GEMIN8: variants seen among roughly 807,000 people sequenced by gnomAD.
GEMIN8 encodes the protein gem nuclear organelle associated protein 8.
For missense variants in GEMIN8, 185 were observed against 205.9 expected, an observed-to-expected ratio of 0.90 and a Z score of 0.62; for synonymous variants, 80 against 78.5, an observed-to-expected ratio of 1.02 and a Z score of -0.10.
chrX:14,001,188 A>T, the GEMIN8 span, among the ~76,000 whole-genome samples: 1 of 112,126 alleles, frequency 8.9e-6, no homozygotes, highest in Non-Finnish European at 1.9e-5. Flanking sequence ...CATTTTGCTG[A>T]TCTGATTTCA....
At chrX:14,000,080 G>A in the GEMIN8 span, among the ~76,000 whole-genome samples, 1 of 110,519 alleles carries the variant, frequency 9.0e-6, no homozygotes, top group Non-Finnish European at 1.9e-5. Context: ...TGAGGCAGGA[G>A]GATTGCTTGA....
intron 4 of GEMIN8, among the ~76,000 whole-genome samples, chrX:14,012,131 A>ATT (rs1169756628): frequency 1.3e-4 from 13 of 97,039 alleles, no homozygotes; most frequent in Non-Finnish European, 2.3e-4. Flanking sequence ...TTCCTCATGA[A>ATT]TTTTTTTTTT....
chrX:14,021,243 T>G (rs1173597172), intron 3 of GEMIN8, among the ~76,000 whole-genome samples: 2 of 57,611 alleles, frequency 3.5e-5, no homozygotes, highest in Non-Finnish European at 6.1e-5. Context: ...CAGGGACTGT[T>G]GTGGGGTGGG....
At chrX:13,994,138 T>C in the GEMIN8 span, among the ~76,000 whole-genome samples, 1 of 111,957 alleles carries the variant, frequency 8.9e-6, no homozygotes, top group East Asian at 2.8e-4. Flanking sequence ...TGGGCCCCGA[T>C]GACCAGCGAT....
intron 2 of GEMIN8, 127 bp downstream of exon 2, chrX:14,026,013 A>G: frequency 1.4e-6 from 1 of 724,852 alleles, no homozygotes; most frequent in Non-Finnish European, 1.6e-6. Context: ...ACATCTAAAT[A>G]ATTATAGACA....
intron 4 of GEMIN8, among the ~76,000 whole-genome samples, chrX:14,017,867 T>TG (rs1924039445): frequency 8.9e-6 from 1 of 112,511 alleles, no homozygotes; most frequent in Admixed American, 9.4e-5. Flanking sequence ...TCTGAGGAAC[T>TG]GGGGGTTAGG....
At chrX:14,023,744 A>G (rs935492243) in intron 2 of GEMIN8, among the ~76,000 whole-genome samples, 1 of 112,566 alleles carries the variant, frequency 8.9e-6, no homozygotes, top group Non-Finnish European at 1.9e-5. Flanking sequence ...TAATGACATT[A>G]ACGCAAACTG....
In GEMIN8 at chrX:14,020,242, C is replaced by T. The variant is rs762654716; in HGVS notation, c.308G>A (p.Ser103Asn). 1 of 1,211,201 alleles carries T rather than the reference C, an allele frequency of 8.3e-7. No homozygotes were observed. Among genetic ancestry groups the T allele is most frequent in the Non-Finnish European group, 1.1e-6 (1 of 894,959 alleles). Residue 103 changes from serine to asparagine, a missense_variant, in exon 4 of 5, where the codon AGC (serine) becomes AAC (asparagine). Ser to Asn is a conservative substitution (Grantham distance 46, BLOSUM62 1). Coordinates refer to ENST00000680255, the MANE Select transcript of GEMIN8 (RefSeq NM_001042479.2). ...TTTTGTGGATGCCTGGATCCTACTGCTGTAACGTGGATGCTGCCCAGATCT... is the reference window on the plus strand; with the variant it reads ...TTTTGTGGATGCCTGGATCCTACTGTTGTAACGTGGATGCTGCCCAGATCT... ...FRRSGQHPRY[S>N]SRIQASTKED...
chrX:14,018,732 CTTTCTTTTCTTTTTCTTTTCTTTCT>C (rs1924095827), intron 4 of GEMIN8, among the ~76,000 whole-genome samples: 2 of 106,387 alleles, frequency 1.9e-5, no homozygotes, highest in South Asian at 4.0e-4. Context: ...ATACTTCTTT[CTTTCTTTTCTTTTTCTTTTCTTTCT>C]TTTCTTTTCT....
At chrX:14,014,213 T>C in intron 4 of GEMIN8, 1 of 749,308 alleles carries the variant, frequency 1.3e-6, no homozygotes. Flanking sequence ...TTTCTGATTA[T>C]ATTTTCTGCT....
chrX:14,009,027 G>A lies in GEMIN8; in HGVS notation c.615C>T (p.Tyr205=), dbSNP rs757107717. ...CTTGGATCTTGGCAGCACTGTCCCCGTACAAACGCTTCATCTCGGCCTGGC... is the reference window on the plus strand; with the variant it reads ...CTTGGATCTTGGCAGCACTGTCCCCATACAAACGCTTCATCTCGGCCTGGC... The part of the protein sequence containing the change: ...ERRQAEMKRL[Y]GDSAAKIQAM... The change falls in exon 5 of 5, where the codon TAC becomes TAT. Residue 205 remains tyrosine (Y), a synonymous_variant. Transcript: ENST00000680255. 16 of 1,210,177 alleles carry A rather than the reference G, an allele frequency of 1.3e-5. No homozygotes were observed. Among genetic ancestry groups the A allele is most frequent in the Middle Eastern group, 2.3e-4 (1 of 4,372 alleles).
intron 4 of GEMIN8, among the ~76,000 whole-genome samples, chrX:14,013,126 T>C (rs756654268): frequency 1.8e-5 from 2 of 112,081 alleles, no homozygotes; most frequent in South Asian, 3.7e-4. Context: ...CATTCTGTTT[T>C]CTATTTATTG....
In GEMIN8 at chrX:14,020,063, G is replaced by A. The variant is rs375551704; in HGVS notation, c.472+15C>T. The A allele has an allele frequency of 8.8e-5, 91 of 1,034,398 alleles. No homozygotes were observed. Among genetic ancestry groups the A allele is most frequent in the Non-Finnish European group, 1.1e-4 (84 of 747,924 alleles). 85.2% of individuals were successfully genotyped at this position (1,034,398 alleles called of 1,213,427 possible). A position where few individuals can be genotyped will look rare whatever the true frequency, so the allele number is the denominator to read the frequency against. Reference sequence around the variant, plus strand: ...CAAGGAAAGGAAGCATGAAGAGACAGAGGCCTGAACTTACGTCGTTCTTCT... The same window carrying A: ...CAAGGAAAGGAAGCATGAAGAGACAAAGGCCTGAACTTACGTCGTTCTTCT... On this transcript the variant is annotated intron_variant, in intron 4 of 4. Transcript: ENST00000680255.
intron 2 of GEMIN8, among the ~76,000 whole-genome samples, chrX:14,021,881 G>A (rs1423550354): frequency 5.4e-5 from 5 of 93,050 alleles, no homozygotes; most frequent in Non-Finnish European, 1.0e-4. Flanking sequence ...AGGCTGGAGA[G>A]ATGTCTTATT....
intron 4 of GEMIN8, among the ~76,000 whole-genome samples, chrX:14,016,868 T>A (rs7063900): frequency 0.037 from 1,658 of 44,343 alleles, 23 homozygotes; most frequent in Non-Finnish European, 0.042. Context: ...AAAAAAAAAA[T>A]ATATATATAT....
intron 2 of GEMIN8, 83 bp from the exon 3 acceptor site, chrX:14,021,594 C>T: frequency 7.6e-6 from 5 of 660,929 alleles, no homozygotes; most frequent in Non-Finnish European, 1.2e-5. Flanking sequence ...TGTGAGGCAG[C>T]TCCCAAGGAA....
intron 4 of GEMIN8, among the ~76,000 whole-genome samples, chrX:14,017,172 C>G (rs935677228): frequency 1.8e-5 from 2 of 110,242 alleles, no homozygotes; most frequent in African/African-American, 3.3e-5. Flanking sequence ...ATGGTGAAGG[C>G]AGGGGGCTTA....
chrX:13,989,652 G>A, the GEMIN8 span, among the ~76,000 whole-genome samples: 6 of 112,554 alleles, frequency 5.3e-5, no homozygotes, highest in Admixed American at 5.7e-4. Context: ...GCCCTGTTTG[G>A]TGGCACTGCT....
intron 2 of GEMIN8, among the ~76,000 whole-genome samples, chrX:14,023,545 A>C (rs1016216736): frequency 1.8e-5 from 2 of 110,395 alleles, no homozygotes; most frequent in East Asian, 5.7e-4. Flanking sequence ...ATGCCTGGCT[A>C]ATTTTTGTAT....
Sources: gnomAD v4.1 joint callset for allele counts (sites outside exome capture counted in the v4.1 genomes callset) on GRCh38, gnomAD v4.1.1 for gene constraint, MANE v1.5 for transcripts, NCBI Gene and HGNC (gene_info 2026-07-23, HGNC 2026-07-21) for gene names.